CNST: variants seen among roughly 807,000 people sequenced by gnomAD.
CNST encodes consortin.
In CNST, 39 loss-of-function variants were observed where a neutral mutation model predicts 72.4. That is an observed-to-expected ratio of 0.54 (90% confidence interval 0.42 to 0.70). The LOEUF is 0.70. Ranked by LOEUF, CNST falls within the 30% of genes least tolerant of loss-of-function variation. The probability of loss-of-function intolerance (pLI) is 0.00; values close to 1 mark genes in which losing one functional copy is unlikely to be tolerated. For missense variants in CNST, 871 were observed against 868.5 expected (o/e 1.00, Z -0.04); for synonymous variants, 332 against 320.1 (o/e 1.04, Z -0.40).
intron 2 of CNST, among the ~76,000 whole-genome samples, chr1:246,593,976 GC>G (rs1416444827): frequency 3.9e-5 from 6 of 151,930 alleles, no homozygotes; most frequent in Admixed American, 2.6e-4. Context: ...TCGCACTGTT[GC>G]CCAGGCTGAT....
chr1:246,646,402 C>T (rs1021226078), intron 8 of CNST, among the ~76,000 whole-genome samples: 1 of 151,950 alleles, frequency 6.6e-6, no homozygotes, highest in African/African-American at 2.4e-5. Flanking sequence ...ACCAGTACTA[C>T]TTTTCTTACA....
At chr1:246,567,085 C>G (rs753225500) in intron 1 of CNST, among the ~76,000 whole-genome samples, 3 of 147,912 alleles carry the variant, frequency 2.0e-5, no homozygotes, top group Non-Finnish European at 4.5e-5. Flanking sequence ...TGTCAAGAAC[C>G]GCGTGGTGTC....
At chr1:246,595,382 C>G (rs913657647) in intron 2 of CNST, among the ~76,000 whole-genome samples, 1 of 152,194 alleles carries the variant, frequency 6.6e-6, no homozygotes, top group Non-Finnish European at 1.5e-5. Context: ...CCTGTGATCT[C>G]TCAAGTCAGT....
chr1:246,568,945 G>A (rs553919803), intron 1 of CNST, among the ~76,000 whole-genome samples: 16 of 152,140 alleles, frequency 1.1e-4, no homozygotes, highest in Middle Eastern at 3.4e-3. Flanking sequence ...TGTTGCCCAG[G>A]CTGGTCTCAA....
At chr1:246,592,842 A>C (rs1661634497) in intron 2 of CNST, among the ~76,000 whole-genome samples, 1 of 152,230 alleles carries the variant, frequency 6.6e-6, no homozygotes. Context: ...TTTGGTATGC[A>C]GTTTGGCAGT....
Position 246,636,605 on chromosome 1 carries a change from T to C in CNST, c.818+2018T>C, listed in dbSNP as rs150816668. The stretch of plus-strand genomic sequence containing the variant: ...GGGGTAGTTGTTGGTTTTGAGACTT[T>C]TGCTTTGGCTATAATCCATTCTCTC... On this transcript the variant is annotated intron_variant, in intron 6 of 10. Coordinates refer to ENST00000366513, the MANE Select transcript of CNST (RefSeq NM_152609.3). Among the ~76,000 whole-genome samples, 25 of 152,364 alleles carry C rather than the reference T, an allele frequency of 1.6e-4. No homozygotes were observed. The East Asian group carries it at 4.2e-3, about 26-fold the overall frequency.
chr1:246,646,005 C>T (rs12127426), intron 8 of CNST, among the ~76,000 whole-genome samples: 15,927 of 151,914 alleles, frequency 0.1, 1,007 homozygotes, highest in African/African-American at 0.18. Flanking sequence ...AGTTGCTCGG[C>T]GTGGTGGCTC....
chr1:246,573,214 A>C (rs1660175299), intron 1 of CNST, among the ~76,000 whole-genome samples: 1 of 152,224 alleles, frequency 6.6e-6, no homozygotes, highest in Admixed American at 6.5e-5. Flanking sequence ...GTTCTTCGGC[A>C]TGCCAGTTAG....
At chr1:246,577,335 T>C (rs974964923) in intron 1 of CNST, among the ~76,000 whole-genome samples, 2 of 152,030 alleles carry the variant, frequency 1.3e-5, no homozygotes, top group African/African-American at 4.8e-5. Context: ...CTCTTCCTAC[T>C]GGTACCTCCT....
intron 4 of CNST, among the ~76,000 whole-genome samples, chr1:246,633,228 T>C (rs1664889972): frequency 6.6e-6 from 1 of 152,056 alleles, no homozygotes; most frequent in African/African-American, 2.4e-5. Context: ...GGCAGGCAGA[T>C]CGCTTGAGGT....
intron 2 of CNST, among the ~76,000 whole-genome samples, chr1:246,615,820 G>A (rs571621771): frequency 9.8e-4 from 149 of 152,088 alleles, no homozygotes; most frequent in Non-Finnish European, 1.9e-3. Context: ...GGAGGTTGCG[G>A]TGAGCCGAGA....
chr1:246,649,614 TGAA>T (rs144391790), intron 9 of CNST, among the ~76,000 whole-genome samples: 4,613 of 152,148 alleles, frequency 0.03, 228 homozygotes, highest in African/African-American at 0.11. Flanking sequence ...GTATAAACTG[TGAA>T]GAAGAAGCAG....
chr1:246,606,912 G>A (rs550309318), intron 2 of CNST: 9 of 150,892 alleles, frequency 6.0e-5, no homozygotes, highest in South Asian at 2.1e-4. Flanking sequence ...GCAGTCCGTC[G>A]TCAGCTGGTG....
At chr1:246,615,175 A>G (rs910567898) in intron 2 of CNST, among the ~76,000 whole-genome samples, 5 of 152,170 alleles carry the variant, frequency 3.3e-5, no homozygotes, top group African/African-American at 1.2e-4. Context: ...TATTACAAAA[A>G]AAAAATTTTT....
rs566966192 is a variant in CNST at position 246,606,601 on chromosome 1, C to G, written c.379+14660C>G. 3 of 151,770 alleles carry G rather than the reference C, an allele frequency of 2.0e-5. No homozygotes were observed. In the South Asian group the frequency reaches 6.3e-4, roughly 32 times the overall value. The allele number at this position is 151,770 out of a possible 1,614,324, so 9.4% of individuals were successfully genotyped here. On this transcript the variant is annotated intron_variant, in intron 2 of 10. Coordinates refer to ENST00000366513, the MANE Select transcript of CNST (RefSeq NM_152609.3). ...GATTATCTCTAGAGCAGCCTGTAGT[C>G]TAATTATTCTATTTAGGATATATGT...
intron 10 of CNST, among the ~76,000 whole-genome samples, chr1:246,664,632 C>T (rs7556266): frequency 0.64 from 97,494 of 151,584 alleles, 32,906 homozygotes; most frequent in African/African-American, 0.86. Context: ...TTCACCGTGT[C>T]AGCCAGGATG....
intron 2 of CNST, chr1:246,607,790 A>T (rs922398259): frequency 6.6e-6 from 1 of 152,190 alleles, no homozygotes; most frequent in African/African-American, 2.4e-5. Context: ...CATCCCCCCA[A>T]GCTTTCAGGC....
Position 246,652,730 on chromosome 1 carries a change from C to T in CNST, c.1836+4693C>T, listed in dbSNP as rs187616644. 8.5e-3 allele frequency among the ~76,000 whole-genome samples: 1,293 copies of T among 152,018 alleles called. 15 individuals carry two copies. The highest frequency in any genetic ancestry group is 0.033 in the South Asian group (161 of 4,806). ...TTAGAAAGCTTTTAATCTGGCCGGG[C>T]ACAGTGGCTCACGCCTGTAATCCCA... On this transcript the variant is annotated intron_variant, in intron 9 of 10. Transcript: ENST00000366513.
chr1:246,581,044 G>A (rs1660753112), intron 1 of CNST, among the ~76,000 whole-genome samples: 1 of 151,340 alleles, frequency 6.6e-6, no homozygotes, highest in Non-Finnish European at 1.5e-5. Flanking sequence ...CAGCCTGAAG[G>A]TTTCTTTATA....
Sources: gnomAD v4.1 joint callset for allele counts (sites outside exome capture counted in the v4.1 genomes callset) on GRCh38, gnomAD v4.1.1 for gene constraint, MANE v1.5 for transcripts, NCBI Gene and HGNC (gene_info 2026-07-23, HGNC 2026-07-21) for gene names.